Variants in KIAA1958 observed in about 807,000 individuals in gnomAD.
KIAA1958 encodes uncharacterized protein KIAA1958.
KIAA1958 carries 14 observed loss-of-function variants against 47.2 expected under a neutral mutation model. That is an observed-to-expected ratio of 0.30 (90% CI 0.20 to 0.46). The LOEUF (loss-of-function observed/expected upper bound fraction) is 0.46, where lower values mean the gene tolerates loss of function less well. Among genes scored for constraint, KIAA1958 ranks in the 20% least tolerant of loss-of-function variants. KIAA1958 has a pLI of 1.00. For synonymous variants in KIAA1958, 354 were observed against 353.3 expected (o/e 1.00, Z -0.02); for missense variants, 803 against 909.2 (o/e 0.88, Z 1.50).
intron 2 of KIAA1958, among the ~76,000 whole-genome samples, chr9:112,638,616 G>C (rs1173576110): frequency 2.0e-5 from 3 of 152,152 alleles, no homozygotes; most frequent in Non-Finnish European, 4.4e-5. Flanking sequence ...GGTTAGGAAA[G>C]CTTCTGGAAT....
At chr9:112,546,993 G>A (rs1835047553) in intron 1 of KIAA1958, among the ~76,000 whole-genome samples, 2 of 135,444 alleles carry the variant, frequency 1.5e-5, no homozygotes, top group South Asian at 5.1e-4. Flanking sequence ...CCAAGCTGGG[G>A]TGTGGTGGTG....
intron 3 of KIAA1958, among the ~76,000 whole-genome samples, chr9:112,657,939 C>T (rs1308218560): frequency 2.0e-5 from 3 of 151,964 alleles, no homozygotes; most frequent in Non-Finnish European, 4.4e-5. Flanking sequence ...TCACTGTGAC[C>T]TCCACCTTCC....
At chr9:112,603,069 G>A (rs780995207) in intron 2 of KIAA1958, among the ~76,000 whole-genome samples, 1 of 152,044 alleles carries the variant, frequency 6.6e-6, no homozygotes, top group East Asian at 1.9e-4. Flanking sequence ...AGCTCTTTTG[G>A]AGCTCATGGT....
intron 1 of KIAA1958, among the ~76,000 whole-genome samples, chr9:112,547,343 A>G (rs1425149990): frequency 6.9e-6 from 1 of 144,384 alleles, no homozygotes; most frequent in Non-Finnish European, 1.5e-5. Flanking sequence ...GTGCCACTGC[A>G]CCACAGCCTG....
At chr9:112,495,375 A>G (rs897865925) in intron 1 of KIAA1958, among the ~76,000 whole-genome samples, 2 of 152,212 alleles carry the variant, frequency 1.3e-5, no homozygotes, top group Non-Finnish European at 1.5e-5. Flanking sequence ...TGATAAATAC[A>G]GTTTTCCTGG....
At chr9:112,643,777 G>C (rs1836931371) in intron 2 of KIAA1958, among the ~76,000 whole-genome samples, 1 of 152,166 alleles carries the variant, frequency 6.6e-6, no homozygotes, top group African/African-American at 2.4e-5. Context: ...AAGCAAATGT[G>C]AGGCATAGAC....
intron 1 of KIAA1958, among the ~76,000 whole-genome samples, chr9:112,531,978 G>C (rs993665228): frequency 2.0e-5 from 3 of 152,232 alleles, no homozygotes; most frequent in Non-Finnish European, 4.4e-5. Flanking sequence ...TGGGGTTGCT[G>C]TCAGACCTCA....
At chr9:112,655,789 A>G (rs985466653) in intron 3 of KIAA1958, among the ~76,000 whole-genome samples, 2 of 152,194 alleles carry the variant, frequency 1.3e-5, no homozygotes, top group African/African-American at 4.8e-5. Flanking sequence ...CACCTGGAGC[A>G]TGGTGGCCTC....
chr9:112,631,980 A>T (rs1420047062), intron 2 of KIAA1958, among the ~76,000 whole-genome samples: 2 of 152,210 alleles, frequency 1.3e-5, no homozygotes, highest in Admixed American at 6.5e-5. Context: ...CTCTGATGAA[A>T]TCCTTAGGAT....
intron 1 of KIAA1958, among the ~76,000 whole-genome samples, chr9:112,559,875 G>A (rs532395296): frequency 8.5e-5 from 13 of 152,074 alleles, no homozygotes; most frequent in Non-Finnish European, 1.8e-4. Context: ...AAAATGTGAT[G>A]GAATAATATT....
At chr9:112,630,527 T>A (rs1298076031) in intron 2 of KIAA1958, among the ~76,000 whole-genome samples, 1 of 152,198 alleles carries the variant, frequency 6.6e-6, no homozygotes. Context: ...GCTAAGGAGA[T>A]ACCGTGTTCT....
chr9:112,618,619 A>G lies in KIAA1958; in HGVS notation c.1172-27031A>G, dbSNP rs189234731. On this transcript the variant is annotated intron_variant, in intron 2 of 3. Transcript: ENST00000337530. The surrounding 1 kb of genome is among the most constrained non-coding windows in gnomAD (Gnocchi z 7.1). ...GCTACGAGGATGCCCCTTTCTACTT[A>G]TCCATCAAGCCAGTCGTGAACCTGG... 175 of 1,550,666 alleles carry G rather than the reference A, an allele frequency of 1.1e-4. 1 individual carries two copies. In the Admixed American group the frequency reaches 3.2e-3, roughly 29 times the overall value.
chr9:112,570,517 G>T (rs78215564), intron 1 of KIAA1958, among the ~76,000 whole-genome samples: 1 of 152,194 alleles, frequency 6.6e-6, no homozygotes, highest in Admixed American at 6.5e-5. Flanking sequence ...TTTTCTGCTT[G>T]TGCAGCACCA....
intron 2 of KIAA1958, among the ~76,000 whole-genome samples, chr9:112,580,680 G>A (rs866907779): frequency 6.6e-6 from 1 of 151,756 alleles, no homozygotes; most frequent in Non-Finnish European, 1.5e-5. Context: ...CCAGCTATTC[G>A]GCAGGCTGAG....
intron 2 of KIAA1958, among the ~76,000 whole-genome samples, chr9:112,585,112 GT>G (rs1835801242): frequency 6.6e-6 from 1 of 152,166 alleles, no homozygotes; most frequent in African/African-American, 2.4e-5. Context: ...TTTCTATTAA[GT>G]ATCTGCACAA....
intron 3 of KIAA1958, among the ~76,000 whole-genome samples, chr9:112,653,106 A>G (rs577041761): frequency 5.9e-5 from 9 of 152,222 alleles, no homozygotes; most frequent in East Asian, 1.9e-4. Context: ...ATTAAGTGCA[A>G]TGGGATCCCA....
At chr9:112,655,092 G>A (rs908423738) in intron 3 of KIAA1958, among the ~76,000 whole-genome samples, 1 of 152,106 alleles carries the variant, frequency 6.6e-6, no homozygotes, top group Non-Finnish European at 1.5e-5. Context: ...TCTAGCTCTT[G>A]CCTGTAAATT....
chr9:112,606,250 G>T (rs1251805137), intron 2 of KIAA1958, among the ~76,000 whole-genome samples: 1 of 152,148 alleles, frequency 6.6e-6, no homozygotes, highest in African/African-American at 2.4e-5. Flanking sequence ...TACATCTTAG[G>T]TCTGGGTACA....
chr9:112,605,551 C>A (rs910836309), intron 2 of KIAA1958, among the ~76,000 whole-genome samples: 5 of 152,154 alleles, frequency 3.3e-5, no homozygotes, highest in Non-Finnish European at 5.9e-5. Context: ...AGGTTTGTAT[C>A]ATAACAGAGC....
Sources: gnomAD v4.1 joint callset for allele counts (sites outside exome capture counted in the v4.1 genomes callset) on GRCh38, gnomAD v4.1.1 for gene constraint, Gnocchi (gnomAD v3.1) non-coding constraint, MANE v1.5 for transcripts, NCBI Gene and HGNC (gene_info 2026-07-23, HGNC 2026-07-21) for gene names.